HS3ST3A1: variants seen among roughly 807,000 people sequenced by gnomAD.
HS3ST3A1 encodes the protein heparan sulfate glucosamine 3-O-sulfotransferase 3A1.
In HS3ST3A1, 19 loss-of-function variants were observed where a neutral mutation model predicts 25.7. That is an observed-to-expected ratio of 0.74 (90% CI 0.52 to 1.08). The LOEUF (loss-of-function observed/expected upper bound fraction) is 1.08. HS3ST3A1 is among the 50% of genes least tolerant of loss of function. The pLI, the probability that HS3ST3A1 is intolerant of heterozygous loss-of-function variation, is 0.00. For synonymous variants in HS3ST3A1, 226 were observed against 278.6 expected (o/e 0.81, Z 1.88); for missense variants, 459 against 594.3 (o/e 0.77, Z 2.37).
intron 1 of HS3ST3A1, among the ~76,000 whole-genome samples, chr17:13,573,146 T>C (rs1479794610): frequency 1.3e-5 from 2 of 152,158 alleles, no homozygotes; most frequent in Non-Finnish European, 2.9e-5. Context: ...GCCTCCTTCC[T>C]GTCCACATTT....
intron 1 of HS3ST3A1, among the ~76,000 whole-genome samples, chr17:13,554,294 TAGC>T (rs1292520370): frequency 2.6e-5 from 4 of 152,156 alleles, no homozygotes; most frequent in Non-Finnish European, 5.9e-5. Flanking sequence ...TCCAGAAAAG[TAGC>T]AGGAAAATTC....
intron 1 of HS3ST3A1, among the ~76,000 whole-genome samples, chr17:13,569,565 T>A (rs1907753376): frequency 6.6e-6 from 1 of 152,180 alleles, no homozygotes; most frequent in Non-Finnish European, 1.5e-5. Context: ...AAAGCCTGCA[T>A]GAATCAGGTG....
intron 1 of HS3ST3A1, among the ~76,000 whole-genome samples, chr17:13,498,306 C>T (rs964108118): frequency 3.3e-5 from 5 of 152,116 alleles, no homozygotes; most frequent in African/African-American, 1.2e-4. Context: ...AACAGTACTC[C>T]AAAGTGAAGG....
rs1907193308 is a variant in HS3ST3A1, at chr17:13,549,805, A to G, written c.599+50726T>C. ...AAGAAAATTATTGGGAAAAGTCACG[A>G]AACTAGTTTATTTTAGTTCGCCATA... On this transcript the variant is annotated intron_variant, in intron 1 of 1. Transcript: ENST00000284110. Among the ~76,000 whole-genome samples the G allele has an allele frequency of 2.0e-5, 3 of 152,184 alleles. No individual in the cohort carries two copies. The South Asian group carries it at 6.2e-4, about 32-fold the overall frequency.
intron 1 of HS3ST3A1, among the ~76,000 whole-genome samples, chr17:13,592,002 A>C (rs1908439211): frequency 1.3e-5 from 2 of 152,100 alleles, no homozygotes. Context: ...CCAAGATCAG[A>C]ATGTCCAAGT....
chr17:13,568,818 T>A (rs1333238064), intron 1 of HS3ST3A1, among the ~76,000 whole-genome samples: 5 of 152,218 alleles, frequency 3.3e-5, no homozygotes, highest in Non-Finnish European at 7.3e-5. Context: ...TTGCCAAAGA[T>A]ACCAAGGTTT....
intron 1 of HS3ST3A1, among the ~76,000 whole-genome samples, chr17:13,534,891 T>G (rs1023250079): frequency 2.6e-5 from 4 of 152,140 alleles, no homozygotes; most frequent in Admixed American, 2.6e-4. Flanking sequence ...CCAGGTGTGG[T>G]GGCGCATGCC....
intron 1 of HS3ST3A1, among the ~76,000 whole-genome samples, chr17:13,498,577 G>C (rs1259333788): frequency 6.6e-6 from 1 of 151,924 alleles, no homozygotes; most frequent in Non-Finnish European, 1.5e-5. Flanking sequence ...TAGGTCATAA[G>C]ACCTTCATTC....
chr17:13,504,433 A>T lies in HS3ST3A1; in HGVS notation c.600-7615T>A, dbSNP rs529380700. The stretch of plus-strand genomic sequence containing the variant: ...TAAAAAATGTTCTTAAACAGGCCAA[A>T]CTCATCTATCCCATTCAATATCAAA... On this transcript the variant is annotated intron_variant, in intron 1 of 1. Coordinates refer to ENST00000284110, the MANE Select transcript of HS3ST3A1 (RefSeq NM_006042.3). Among the ~76,000 whole-genome samples, 20 of 152,196 alleles carry T rather than the reference A, an allele frequency of 1.3e-4. No individual in the cohort carries two copies. In the South Asian group the frequency reaches 3.3e-3, roughly 25 times the overall value.
intron 1 of HS3ST3A1, among the ~76,000 whole-genome samples, chr17:13,537,664 T>G (rs1439305647): frequency 6.6e-6 from 1 of 152,212 alleles, no homozygotes; most frequent in African/African-American, 2.4e-5. Context: ...GGTAGAAGAT[T>G]CATTTTTCAC....
intron 1 of HS3ST3A1, among the ~76,000 whole-genome samples, chr17:13,579,833 G>A (rs1423676986): frequency 5.3e-5 from 8 of 150,038 alleles, no homozygotes; most frequent in African/African-American, 2.0e-4. Context: ...TAGTGGGGCC[G>A]TGGTGGCGCT....
intron 1 of HS3ST3A1, among the ~76,000 whole-genome samples, chr17:13,519,354 A>G (rs568553366): frequency 6.6e-6 from 1 of 152,344 alleles, no homozygotes; most frequent in African/African-American, 2.4e-5. Flanking sequence ...ACATCAGTGA[A>G]TGAGACACTT....
intron 1 of HS3ST3A1, among the ~76,000 whole-genome samples, chr17:13,513,337 C>T (rs1299984518): frequency 6.6e-6 from 1 of 152,194 alleles, no homozygotes; most frequent in African/African-American, 2.4e-5. Flanking sequence ...ATGCTAGGCT[C>T]TGGGGGGAGC....
intron 1 of HS3ST3A1, among the ~76,000 whole-genome samples, chr17:13,544,510 C>T (rs561093672): frequency 6.6e-6 from 1 of 152,294 alleles, no homozygotes; most frequent in Non-Finnish European, 1.5e-5. Context: ...ACATTTCTTT[C>T]ATTCATCACT....
At chr17:13,587,358 G>A (rs1908304262) in intron 1 of HS3ST3A1, among the ~76,000 whole-genome samples, 1 of 152,202 alleles carries the variant, frequency 6.6e-6, no homozygotes, top group Admixed American at 6.5e-5. Context: ...GGAGGCCGAG[G>A]CAGGAGAATC....
At chr17:13,581,944 G>A (rs1264528338) in intron 1 of HS3ST3A1, among the ~76,000 whole-genome samples, 1 of 152,156 alleles carries the variant, frequency 6.6e-6, no homozygotes, top group African/African-American at 2.4e-5. Context: ...CCAATAGAAT[G>A]TAACACACAG....
At chr17:13,584,359 G>A (rs993908828) in intron 1 of HS3ST3A1, among the ~76,000 whole-genome samples, 1 of 151,494 alleles carries the variant, frequency 6.6e-6, no homozygotes, top group African/African-American at 2.4e-5. Flanking sequence ...ACATGGCTAC[G>A]TGTGTTTAAT....
chr17:13,524,908 T>C lies in HS3ST3A1; in HGVS notation c.600-28090A>G, dbSNP rs189143295. 2.2e-4 allele frequency among the ~76,000 whole-genome samples: 33 copies of C among 152,342 alleles called. No homozygotes were observed. The East Asian group carries it at 5.8e-3, about 27-fold the overall frequency. ...TGATGTTAGTGGTTATGCCATCTACTACATAAAGGTTCATAAATATTAAGC... is the reference window on the plus strand; with the variant it reads ...TGATGTTAGTGGTTATGCCATCTACCACATAAAGGTTCATAAATATTAAGC... On this transcript the variant is annotated intron_variant, in intron 1 of 1. Coordinates refer to ENST00000284110, the MANE Select transcript of HS3ST3A1 (RefSeq NM_006042.3).
chr17:13,497,837 C>T lies in HS3ST3A1; in HGVS notation c.600-1019G>A, dbSNP rs571715190. On this transcript the variant is annotated intron_variant, in intron 1 of 1. Transcript: ENST00000284110. ...GGCATTATCTAGGATTATATTGTATCTTTAATCCTGATGATAGATTTGTTA... is the reference window on the plus strand; with the variant it reads ...GGCATTATCTAGGATTATATTGTATTTTTAATCCTGATGATAGATTTGTTA... Among the ~76,000 whole-genome samples the T allele has an allele frequency of 2.6e-5, 4 of 152,208 alleles. No individual in the cohort carries two copies. In the South Asian group the frequency reaches 8.3e-4, roughly 32 times the overall value.
Sources: allele counts gnomAD v4.1 joint callset (sites outside exome capture counted in the v4.1 genomes callset), GRCh38; gene constraint gnomAD v4.1.1; transcripts MANE v1.5; gene names NCBI Gene and HGNC (gene_info 2026-07-23, HGNC 2026-07-21).